ERBB4: variants seen among roughly 807,000 people sequenced by gnomAD.
The protein encoded by ERBB4 is erb-b2 receptor tyrosine kinase 4.
A neutral mutation model predicts 158.0 loss-of-function variants in ERBB4; 42 were observed. That is an observed-to-expected ratio of 0.27 (90% confidence interval 0.21 to 0.34). The LOEUF (loss-of-function observed/expected upper bound fraction) is 0.34. Ranked by LOEUF, ERBB4 falls within the 10% of genes least tolerant of loss-of-function variation. The pLI is 1.00. For missense variants in ERBB4, 1,333 were observed against 1,624.1 expected, an observed-to-expected ratio of 0.82 and a Z score of 3.08; for synonymous variants, 583 against 558.7, an observed-to-expected ratio of 1.04 and a Z score of -0.61.
intron 1 of ERBB4, among the ~76,000 whole-genome samples, chr2:212,441,871 C>T (rs1473888461): frequency 3.9e-5 from 6 of 152,122 alleles, no homozygotes; most frequent in Admixed American, 3.9e-4. Context: ...ACATACTCAT[C>T]CCAGCTAGGA....
At chr2:211,666,218 G>C (rs1459760830) in intron 14 of ERBB4, among the ~76,000 whole-genome samples, 1 of 151,908 alleles carries the variant, frequency 6.6e-6, no homozygotes, top group Non-Finnish European at 1.5e-5. Flanking sequence ...GTAAATCACA[G>C]AACAATACTG....
At chr2:211,943,346 G>A (rs931086068) in intron 3 of ERBB4, among the ~76,000 whole-genome samples, 1 of 151,984 alleles carries the variant, frequency 6.6e-6, no homozygotes, top group Non-Finnish European at 1.5e-5. Flanking sequence ...TAAAAAAGAG[G>A]TGATTAAAAA....
chr2:211,533,955 T>C (rs980612344), intron 20 of ERBB4, among the ~76,000 whole-genome samples: 1 of 152,128 alleles, frequency 6.6e-6, no homozygotes, highest in Non-Finnish European at 1.5e-5. Flanking sequence ...GACTTTCCTA[T>C]GATTTCTTAT....
intron 4 of ERBB4, among the ~76,000 whole-genome samples, chr2:211,769,605 C>G (rs2075640644): frequency 6.6e-6 from 1 of 152,154 alleles, no homozygotes. Flanking sequence ...TGTAAATCAG[C>G]CTGAGTCCCA....
At chr2:211,957,824 C>A (rs2081073921) in intron 2 of ERBB4, among the ~76,000 whole-genome samples, 1 of 152,092 alleles carries the variant, frequency 6.6e-6, no homozygotes, top group African/African-American at 2.4e-5. Context: ...AAACTGCTTG[C>A]TAGCATTTCA....
intron 2 of ERBB4, among the ~76,000 whole-genome samples, chr2:211,978,425 T>TCTATCTATCTATCTATCTAA (rs1210843818): frequency 6.6e-6 from 1 of 151,638 alleles, no homozygotes; most frequent in African/African-American, 2.4e-5. Flanking sequence ...TATCTATCTA[T>TCTATCTATCTATCTATCTAA]CTATCTATCT....
intron 2 of ERBB4, among the ~76,000 whole-genome samples, chr2:212,011,626 T>A (rs1003840629): frequency 6.6e-6 from 1 of 151,902 alleles, no homozygotes; most frequent in Non-Finnish European, 1.5e-5. Context: ...GGTACATGTC[T>A]GTAATCCAAG....
intron 3 of ERBB4, among the ~76,000 whole-genome samples, chr2:211,914,188 T>G (rs928699914): frequency 2.6e-5 from 4 of 151,228 alleles, no homozygotes; most frequent in African/African-American, 7.3e-5. Flanking sequence ...AAGTGTGAAA[T>G]TGTATGTTGG....
At chr2:211,864,927 C>G (rs996739367) in intron 3 of ERBB4, among the ~76,000 whole-genome samples, 1 of 152,134 alleles carries the variant, frequency 6.6e-6, no homozygotes, top group African/African-American at 2.4e-5. Context: ...AGGAGAATCA[C>G]TTGAATCTTG....
chr2:211,663,812 T>A (rs1444214599), intron 15 of ERBB4, among the ~76,000 whole-genome samples: 1 of 152,208 alleles, frequency 6.6e-6, no homozygotes, highest in Non-Finnish European at 1.5e-5. Flanking sequence ...TGCAAAACAA[T>A]AAAATTCTCT....
intron 1 of ERBB4, among the ~76,000 whole-genome samples, chr2:212,459,714 C>G (rs1488516056): frequency 6.6e-6 from 1 of 152,142 alleles, no homozygotes; most frequent in Admixed American, 6.6e-5. Context: ...CAGTATCCAA[C>G]ATAGCATGGA....
At chr2:211,923,355 T>C (rs867681398) in intron 3 of ERBB4, among the ~76,000 whole-genome samples, 2 of 152,120 alleles carry the variant, frequency 1.3e-5, no homozygotes, top group African/African-American at 4.8e-5. Context: ...TGATATTTTT[T>C]AAAAAAGAGT....
chr2:211,980,774 G>T (rs1401348411), intron 2 of ERBB4, among the ~76,000 whole-genome samples: 1 of 152,106 alleles, frequency 6.6e-6, no homozygotes, highest in Non-Finnish European at 1.5e-5. Flanking sequence ...GGTCACATGT[G>T]ATTACTAGCT....
chr2:211,757,013 A>T (rs1468149809), intron 4 of ERBB4, among the ~76,000 whole-genome samples: 1 of 152,180 alleles, frequency 6.6e-6, no homozygotes, highest in Non-Finnish European at 1.5e-5. Flanking sequence ...ACTGTAAACC[A>T]CTCATATAAT....
chr2:211,527,263 C>A (rs1471373415), intron 20 of ERBB4, among the ~76,000 whole-genome samples: 1 of 152,020 alleles, frequency 6.6e-6, no homozygotes, highest in Admixed American at 6.6e-5. Context: ...TAAGTGGAAA[C>A]CTTACAGGCC....
At chr2:211,720,328 G>A (rs2074054011) in intron 7 of ERBB4, among the ~76,000 whole-genome samples, 1 of 152,158 alleles carries the variant, frequency 6.6e-6, no homozygotes, top group Admixed American at 6.6e-5. Flanking sequence ...ATGAACTGTG[G>A]TCAATGCCTT....
At chr2:212,456,318 A>G (rs189066722) in intron 1 of ERBB4, among the ~76,000 whole-genome samples, 42 of 152,252 alleles carry the variant, frequency 2.8e-4, no homozygotes, top group Admixed American at 1.4e-3. Context: ...AATCACTACA[A>G]CAAAACTGTA....
At chr2:211,628,399 A>G (rs1302130807) in intron 17 of ERBB4, among the ~76,000 whole-genome samples, 1 of 152,074 alleles carries the variant, frequency 6.6e-6, no homozygotes, top group Non-Finnish European at 1.5e-5. Flanking sequence ...ATTCCCACCT[A>G]TGAGTGAGAA....
chr2:211,619,411 T>C (rs1047699886), intron 18 of ERBB4, 136 bp from the exon 19 acceptor site: 1 of 637,790 alleles, frequency 1.6e-6, no homozygotes, highest in African/African-American at 1.8e-5. Context: ...CAAGTTACTC[T>C]GCAACTTTGT....
Sources: gnomAD v4.1 joint callset for allele counts (sites outside exome capture counted in the v4.1 genomes callset) on GRCh38, gnomAD v4.1.1 for gene constraint, MANE v1.5 for transcripts, NCBI Gene and HGNC (gene_info 2026-07-23, HGNC 2026-07-21) for gene names.